PAX7: variants seen among roughly 807,000 people sequenced by gnomAD.
The protein encoded by PAX7 is paired box protein Pax-7.
PAX7 carries 18 observed loss-of-function variants against 50.7 expected under a neutral mutation model. That is an observed-to-expected ratio of 0.36 (90% CI 0.25 to 0.53). The LOEUF (loss-of-function observed/expected upper bound fraction) is 0.53, where lower values mean the gene tolerates loss of function less well. PAX7 is among the 20% of genes least tolerant of loss of function. The pLI, the probability that PAX7 is intolerant of heterozygous loss-of-function variation, is 0.93. For missense variants in PAX7, 644 were observed against 702.9 expected, an observed-to-expected ratio of 0.92 and a Z score of 0.95; for synonymous variants, 310 against 290.4, an observed-to-expected ratio of 1.07 and a Z score of -0.69.
chr1:18,677,531 T>C (rs2088841320), intron 4 of PAX7, among the ~76,000 whole-genome samples: 1 of 152,212 alleles, frequency 6.6e-6, no homozygotes, highest in African/African-American at 2.4e-5. Context: ...TGCTTCTCTG[T>C]ACACCTTGTT....
Position 18,703,152 on chromosome 1 carries a change from C to T in PAX7, c.1011C>T (p.Gly337=), listed in dbSNP as rs1437320339. 4 of 1,613,810 alleles carry T rather than the reference C, an allele frequency of 2.5e-6. No individual in the cohort carries two copies. The highest frequency in any genetic ancestry group is 3.3e-5 in the Admixed American group (2 of 60,018). ...TGCCACCGTCCACCATGCACCAGGGCGGGCTGGCTGCAGCGGCTGCAGCCG... is the reference window on the plus strand; with the variant it reads ...TGCCACCGTCCACCATGCACCAGGGTGGGCTGGCTGCAGCGGCTGCAGCCG... The part of the protein sequence containing the change: ...QPLPPSTMHQ[G]GLAAAAAAAD... Residue 337 remains glycine, a synonymous_variant, in exon 7 of 9, where the codon GGC becomes GGT. Coordinates refer to ENST00000420770, the MANE Select transcript of PAX7 (RefSeq NM_001135254.2).
At chr1:18,704,240 G>A (rs2089257102) in intron 7 of PAX7, among the ~76,000 whole-genome samples, 2 of 152,156 alleles carry the variant, frequency 1.3e-5, no homozygotes, top group South Asian at 4.1e-4. Context: ...CCTGTTTTTT[G>A]TAAATAAAGT....
intron 7 of PAX7, among the ~76,000 whole-genome samples, chr1:18,721,100 C>G (rs533242890): frequency 6.6e-6 from 1 of 152,152 alleles, no homozygotes; most frequent in Non-Finnish European, 1.5e-5. Flanking sequence ...TCTCCACACT[C>G]CCTCCAGCCT....
chr1:18,747,757 G>A lies in PAX7; in HGVS notation c.*2828G>A, dbSNP rs1413656813. 1.0e-5 allele frequency: 2 copies of A among 197,942 alleles called. No individual in the cohort carries two copies. Among genetic ancestry groups the A allele is most frequent in the Non-Finnish European group, 2.1e-5 (2 of 95,658 alleles). The allele number at this position is 197,942 out of a possible 1,614,324, so 12.3% of individuals were successfully genotyped here. A position where few individuals can be genotyped will look rare whatever the true frequency, so the allele number is the denominator to read the frequency against. On this transcript the variant is annotated 3_prime_UTR_variant, in exon 9 of 9. Transcript: ENST00000420770. Reference sequence around the variant, plus strand: ...TTCTGAGTTCATTGTACAATAGTTGGAAACGTGGTGATGTGCTGTTCGTTT... The same window carrying A: ...TTCTGAGTTCATTGTACAATAGTTGAAAACGTGGTGATGTGCTGTTCGTTT...
chr1:18,670,681 C>T (rs2088735131), intron 4 of PAX7, among the ~76,000 whole-genome samples: 2 of 152,190 alleles, frequency 1.3e-5, no homozygotes, highest in African/African-American at 4.8e-5. Context: ...GCCTTGCTGG[C>T]CTCTCTCCAG....
intron 7 of PAX7, among the ~76,000 whole-genome samples, chr1:18,729,051 G>A (rs1277180023): frequency 6.6e-6 from 1 of 152,186 alleles, no homozygotes. Flanking sequence ...CAGACCCTTA[G>A]GAACCAAGGC....
At chr1:18,633,314 G>A (rs1235973151) in intron 1 of PAX7, among the ~76,000 whole-genome samples, 4 of 152,154 alleles carry the variant, frequency 2.6e-5, no homozygotes, top group African/African-American at 7.2e-5. Flanking sequence ...CAAATTGGGG[G>A]GATCGAGGCC....
chr1:18,667,613 C>A (rs1256477390), intron 4 of PAX7, among the ~76,000 whole-genome samples: 1 of 152,064 alleles, frequency 6.6e-6, no homozygotes, highest in African/African-American at 2.4e-5. Flanking sequence ...TAAGGAAACA[C>A]AAACCTGTTA....
intron 4 of PAX7, among the ~76,000 whole-genome samples, chr1:18,682,144 C>G (rs1325635995): frequency 1.3e-5 from 2 of 152,150 alleles, no homozygotes; most frequent in African/African-American, 4.8e-5. Context: ...TCTGGCTTTC[C>G]TAAAGACACT....
At chr1:18,677,924 A>G (rs530264470) in intron 4 of PAX7, among the ~76,000 whole-genome samples, 1 of 151,938 alleles carries the variant, frequency 6.6e-6, no homozygotes, top group Admixed American at 6.6e-5. Flanking sequence ...TCTACTAAGC[A>G]TACAAAAATT....
chr1:18,681,175 A>T (rs889079008), intron 4 of PAX7, among the ~76,000 whole-genome samples: 9 of 133,076 alleles, frequency 6.8e-5, no homozygotes, highest in Non-Finnish European at 1.1e-4. Context: ...AAAAAAAAAA[A>T]AAAAAAAAAA....
At chr1:18,655,188 C>T (rs1007019532) in intron 4 of PAX7, among the ~76,000 whole-genome samples, 1 of 152,216 alleles carries the variant, frequency 6.6e-6, no homozygotes, top group Non-Finnish European at 1.5e-5. Flanking sequence ...AATGTGACTC[C>T]TTTCCAGGGG....
intron 4 of PAX7, among the ~76,000 whole-genome samples, chr1:18,674,163 C>T (rs2088792752): frequency 6.6e-6 from 1 of 152,216 alleles, no homozygotes; most frequent in African/African-American, 2.4e-5. Context: ...TTACCATGGG[C>T]CAGGCCCTCT....
chr1:18,724,667 A>G (rs1272436893), intron 7 of PAX7, among the ~76,000 whole-genome samples: 1 of 152,150 alleles, frequency 6.6e-6, no homozygotes, highest in Non-Finnish European at 1.5e-5. Context: ...CTCTATTTAC[A>G]ACTTTTGAGT....
intron 4 of PAX7, among the ~76,000 whole-genome samples, chr1:18,654,416 G>A (rs1056483639): frequency 6.6e-6 from 1 of 152,246 alleles, no homozygotes; most frequent in Non-Finnish European, 1.5e-5. Context: ...AATCCCAGCT[G>A]CATGCTGAAC....
chr1:18,661,407 C>T (rs992159056), intron 4 of PAX7, among the ~76,000 whole-genome samples: 1 of 152,214 alleles, frequency 6.6e-6, no homozygotes, highest in African/African-American at 2.4e-5. Flanking sequence ...GGTGTGTCCA[C>T]GTCTCTTGGA....
At chr1:18,650,054 A>G (rs1329912263) in intron 4 of PAX7, among the ~76,000 whole-genome samples, 1 of 152,148 alleles carries the variant, frequency 6.6e-6, no homozygotes, top group Non-Finnish European at 1.5e-5. Context: ...CTGTTTCCCC[A>G]TGGATAGAGG....
intron 4 of PAX7, among the ~76,000 whole-genome samples, chr1:18,672,655 G>A (rs972038390): frequency 1.3e-5 from 2 of 149,036 alleles, no homozygotes; most frequent in Non-Finnish European, 1.5e-5. Flanking sequence ...GCCCAGGCTG[G>A]AGTGCAATGG....
chr1:18,640,422 G>A (rs2088233347), intron 4 of PAX7, among the ~76,000 whole-genome samples: 3 of 151,308 alleles, frequency 2.0e-5, no homozygotes, highest in Non-Finnish European at 2.9e-5. Context: ...CCATTTTTTC[G>A]GCTTCACACC....
Sources: gnomAD v4.1 joint callset for allele counts (sites outside exome capture counted in the v4.1 genomes callset) on GRCh38, gnomAD v4.1.1 for gene constraint, MANE v1.5 for transcripts, NCBI Gene and HGNC (gene_info 2026-07-23, HGNC 2026-07-21) for gene names.